Variants in LYSMD4 observed in about 807,000 individuals in gnomAD.
The protein encoded by LYSMD4 is LysM domain containing 4, also known as lysM and putative peptidoglycan-binding domain-containing protein 4.
In LYSMD4, 9 loss-of-function variants were observed where a neutral mutation model predicts 6.1. That is an observed-to-expected ratio of 1.47 (90% CI 0.88 to 2.56). The LOEUF is 2.56. LYSMD4 is among the 30% of genes most tolerant of loss of function. The pLI is 0.00. For missense variants in LYSMD4, 384 were observed against 373.5 expected (o/e 1.03, Z -0.23); for synonymous variants, 143 against 148.5 (o/e 0.96, Z 0.27).
At chr15:99,732,082 T>A (rs1446254215) in intron 1 of LYSMD4, 75 bp from the exon 2 acceptor site, 9 of 1,432,378 alleles carry the variant, frequency 6.3e-6, no homozygotes, top group Non-Finnish European at 7.5e-6. Context: ...AAGAGAAGTG[T>A]CTTGTTAGAG....
rs530698262 is a variant in LYSMD4 at position 99,733,385 on chromosome 15, C to G, written c.-49G>C. On this transcript the variant is annotated 5_prime_UTR_variant, in exon 1 of 3. Transcript: ENST00000684762. Reference sequence around the variant, plus strand: ...CCGCCGCGACCGGCGACCGGCGACTCGCGACCCGCGACCCGCGACCCGCAG... The same window carrying G: ...CCGCCGCGACCGGCGACCGGCGACTGGCGACCCGCGACCCGCGACCCGCAG... 2,212 of 394,200 alleles carry G rather than the reference C, an allele frequency of 5.6e-3. 43 individuals carry two copies. The highest frequency in any genetic ancestry group is 0.04 in the African/African-American group (1,930 of 48,318). 24.4% of individuals were successfully genotyped at this position (394,200 alleles called of 1,614,324 possible). A position where few individuals can be genotyped will look rare whatever the true frequency, so the allele number is the denominator to read the frequency against.
chr15:99,732,825 C>CG (rs2059451541), intron 1 of LYSMD4: 1 of 152,676 alleles, frequency 6.5e-6, no homozygotes, highest in Non-Finnish European at 1.5e-5. Context: ...CCCTACTCCC[C>CG]GCCCACGCCT....
chr15:99,731,725 C>A lies in LYSMD4; in HGVS notation c.275G>T (p.Gly92Val). ...DSLNKLALQY[G>V]CKVADIKKVN... ...CCCTGAGGGGTGTCTTACTTTGCAG[C>A]CATACTGCAGCGCCAGCTTGTTGAG... The change falls in exon 2 of 3, where the codon GGC (glycine) becomes GTC (valine). Residue 92 changes from glycine to valine, a missense_variant. Coordinates refer to ENST00000684762, the MANE Select transcript of LYSMD4 (RefSeq NM_001284417.2). 8 of 1,592,634 alleles carry A rather than the reference C, an allele frequency of 5.0e-6. No homozygotes were observed. The highest frequency in any genetic ancestry group is 6.8e-6 in the Non-Finnish European group (8 of 1,169,642).
At chr15:99,723,176 A>G (rs973562290), downstream of LYSMD4, among the ~76,000 whole-genome samples, 1 of 152,196 alleles carries the variant, frequency 6.6e-6, no homozygotes, top group Non-Finnish European at 1.5e-5. Context: ...GAGCTATATA[A>G]TTGGAGGGAA....
At chr15:99,717,886 C>G (rs911459857), upstream of LYSMD4, 4 of 152,160 alleles carry the variant, frequency 2.6e-5, no homozygotes, top group Non-Finnish European at 5.9e-5. Flanking sequence ...TTTTTTTACT[C>G]TTAGTGTATA....
downstream of LYSMD4, among the ~76,000 whole-genome samples, chr15:99,724,829 G>A (rs2059264788): frequency 6.6e-6 from 1 of 152,230 alleles, no homozygotes; most frequent in Admixed American, 6.5e-5. Flanking sequence ...CTCTGTGCAA[G>A]TTTTGAGCAG....
chr15:99,731,907 G>T lies in LYSMD4; in HGVS notation c.93C>A (p.Gly31=), dbSNP rs1230829691. 1 of 1,613,484 alleles carries T rather than the reference G, an allele frequency of 6.2e-7. No homozygotes were observed. Residue 31 remains glycine (G), a synonymous_variant, in exon 2 of 3, where the codon GGC becomes GGA. Coordinates refer to ENST00000684762, the MANE Select transcript of LYSMD4 (RefSeq NM_001284417.2). ...PTSHVYMFKN[G]SGDSGDSSEE... The stretch of plus-strand genomic sequence containing the variant: ...CAGAAGAGTCCCCCGAGTCCCCACT[G>T]CCATTCTTAAACATGTATACGTGGC...
chr15:99,718,014 C>T (rs888558892), upstream of LYSMD4, among the ~76,000 whole-genome samples: 7 of 152,182 alleles, frequency 4.6e-5, no homozygotes, highest in Admixed American at 2.0e-4. Flanking sequence ...AGTACAAGTA[C>T]GAGAACCCAG....
At chr15:99,730,124 T>A (rs1425048601) in intron 2 of LYSMD4, among the ~76,000 whole-genome samples, 5 of 152,322 alleles carry the variant, frequency 3.3e-5, no homozygotes, top group Admixed American at 1.3e-4. Context: ...AGTGCCCCCA[T>A]CTGCCTGCCT....
chr15:99,716,033 TAAGG>T (rs1172812156), exon 1 of LYSMD4: 3 of 156,170 alleles, frequency 1.9e-5, no homozygotes, highest in Non-Finnish European at 4.3e-5. Context: ...ACATAGTAAA[TAAGG>T]AAGCTGAAAA....
chr15:99,724,942 C>T (rs1263821360), downstream of LYSMD4, among the ~76,000 whole-genome samples: 2 of 152,180 alleles, frequency 1.3e-5, no homozygotes, highest in East Asian at 1.9e-4. Context: ...AGCAAGGAGG[C>T]TGCCCTTCCT....
chr15:99,716,142 T>G (rs1345780168), exon 1 of LYSMD4: 2 of 158,976 alleles, frequency 1.3e-5, no homozygotes, highest in African/African-American at 4.8e-5. Context: ...TTCTTCACTT[T>G]GCTGTGCAAG....
chr15:99,718,927 A>G (rs1461359546), upstream of LYSMD4, among the ~76,000 whole-genome samples: 18 of 151,632 alleles, frequency 1.2e-4, no homozygotes, highest in Non-Finnish European at 2.4e-4. Flanking sequence ...ACACACACAC[A>G]CACACACACA....
chr15:99,730,619 T>C (rs2059382198), intron 2 of LYSMD4, among the ~76,000 whole-genome samples: 1 of 152,208 alleles, frequency 6.6e-6, no homozygotes, highest in Non-Finnish European at 1.5e-5. Flanking sequence ...TTGTAACTGA[T>C]TTGGGGTAGG....
intron 2 of LYSMD4, chr15:99,731,486 C>A: frequency 6.3e-7 from 1 of 1,592,174 alleles, no homozygotes; most frequent in Non-Finnish European, 8.5e-7. Context: ...GAGAAGTTCC[C>A]TGCAGAGAAA....
chr15:99,726,602 C>T (rs2059285184), downstream of LYSMD4, among the ~76,000 whole-genome samples: 2 of 152,136 alleles, frequency 1.3e-5, no homozygotes, highest in African/African-American at 2.4e-5. Flanking sequence ...CTCTGCTGGG[C>T]AGTGGCGGTT....
downstream of LYSMD4, chr15:99,727,400 A>G (rs550988972): frequency 6.6e-6 from 1 of 152,178 alleles, no homozygotes; most frequent in Non-Finnish European, 1.5e-5. Flanking sequence ...AAAAGGGGGA[A>G]TCAATTTTCC....
In LYSMD4 at chr15:99,728,914, C is replaced by CTAAAACA; in HGVS notation, c.*208_*209insTGTTTTA. ...CTTGCTGCACCTCTCTGGATAGGGG[C>CTAAAACA]CGAGGTCGCTGCTGTTTTAGATCCT... On this transcript the variant is annotated 3_prime_UTR_variant, in exon 3 of 3. Transcript: ENST00000684762. 2 of 642,398 alleles carry CTAAAACA rather than the reference C, an allele frequency of 3.1e-6. No individual in the cohort carries two copies. 39.8% of individuals were successfully genotyped at this position (642,398 alleles called of 1,614,324 possible). A position where few individuals can be genotyped will look rare whatever the true frequency, so the allele number is the denominator to read the frequency against.
rs1413552930 is a variant in LYSMD4 at position 99,728,278 on chromosome 15, C to G, written c.*845G>C. 1 of 152,372 alleles carries G rather than the reference C, an allele frequency of 6.6e-6. No individual in the cohort carries two copies. The highest frequency in any genetic ancestry group is 1.5e-5 in the Non-Finnish European group (1 of 68,156). The allele number at this position is 152,372 out of a possible 1,614,324, so 9.4% of individuals were successfully genotyped here. On this transcript the variant is annotated 3_prime_UTR_variant, in exon 3 of 3. Coordinates refer to ENST00000684762, the MANE Select transcript of LYSMD4 (RefSeq NM_001284417.2). ...CAGCACAGGCCTGACGACCGCCCAG[C>G]TTCAGACGCCAACCATAGTGAGGCC...
Sources: gnomAD v4.1 joint callset for allele counts (sites outside exome capture counted in the v4.1 genomes callset) on GRCh38, gnomAD v4.1.1 for gene constraint, MANE v1.5 for transcripts, NCBI Gene and HGNC (gene_info 2026-07-23, HGNC 2026-07-21) for gene names.